The following CLSTN3 variants were observed in gnomAD, a reference collection of about 807,000 sequenced individuals.
The protein encoded by CLSTN3 is calsyntenin-3.
In CLSTN3, 36 loss-of-function variants were observed where a neutral mutation model predicts 95.9. The ratio of observed to expected loss-of-function variants is 0.38; its 90% CI spans 0.29 to 0.50. The LOEUF (loss-of-function observed/expected upper bound fraction) is 0.50, where lower values mean the gene tolerates loss of function less well. Ranked by LOEUF, CLSTN3 falls within the 20% of genes least tolerant of loss-of-function variation. The pLI is 0.95. For synonymous variants in CLSTN3, 481 were observed against 504.0 expected (o/e 0.95, Z 0.61); for missense variants, 1,084 against 1,268.8 (o/e 0.85, Z 2.21).
In CLSTN3 at chr12:7,157,710, C is replaced by G; in HGVS notation, c.2730+19C>G. The G allele has an allele frequency of 3.9e-6, 6 of 1,556,748 alleles. No individual in the cohort carries two copies. The highest frequency in any genetic ancestry group is 5.2e-6 in the Non-Finnish European group (6 of 1,149,520). On this transcript the variant is annotated intron_variant, in intron 17 of 17. Coordinates refer to ENST00000266546, the MANE Select transcript of CLSTN3 (RefSeq NM_014718.4). This position sits in a 1 kb window ranked among gnomAD's most constrained non-coding sequence, Gnocchi z 5.9. ...CATGGAGGTGAGAGGCCTGGGGAAG[C>G]GGGGTTCTGTAGGGTCAAGACTGTG...
chr12:7,136,511 T>C (rs1450880351), intron 6 of CLSTN3, 120 bp downstream of exon 6: 3 of 1,041,506 alleles, frequency 2.9e-6, no homozygotes, highest in Non-Finnish European at 2.7e-6. Context: ...TCCATAGAGG[T>C]TGTGACACGA....
chr12:7,135,929 C>T lies in CLSTN3; in HGVS notation c.718C>T (p.Pro240Ser), dbSNP rs1939404797. Residue 240 changes from proline (P) to serine (S), a missense_variant, in exon 5 of 18, where the codon CCC (proline) becomes TCC (serine). Coordinates refer to ENST00000266546, the MANE Select transcript of CLSTN3 (RefSeq NM_014718.4). ...DDAEVEIQVKPTCKPSWQGWN... is the reference protein window; with the variant it reads ...DDAEVEIQVKSTCKPSWQGWN... The stretch of plus-strand genomic sequence containing the variant: ...TGCTGAGGTGGAGATTCAGGTGAAG[C>T]CCACCTGTAAACCCAGCTGGCAAGG... 6 of 1,612,230 alleles carry T rather than the reference C, an allele frequency of 3.7e-6. No homozygotes were observed. Among genetic ancestry groups the T allele is most frequent in the Middle Eastern group, 1.7e-4 (1 of 5,962 alleles).
Position 7,133,889 on chromosome 12 carries a change from A to T in CLSTN3, c.383+121A>T. 1 of 803,250 alleles carries T rather than the reference A, an allele frequency of 1.2e-6. No individual in the cohort carries two copies. The highest frequency in any genetic ancestry group is 1.9e-6 in the Non-Finnish European group (1 of 519,380). The allele number at this position is 803,250 out of a possible 1,614,324, so 49.8% of individuals were successfully genotyped here. A position where few individuals can be genotyped will look rare whatever the true frequency, so the allele number is the denominator to read the frequency against. On this transcript the variant is annotated intron_variant, in intron 3 of 17. Transcript: ENST00000266546. The surrounding 1 kb of genome is among the most constrained non-coding windows in gnomAD (Gnocchi z 4.7). ...ACCCCCACCCGCTGCTGTTCCTAGG[A>T]CTTAGGGAGCCCCATCCCCTGCTGT...
chr12:7,130,331 C>G, upstream of CLSTN3: 2 of 1,114,074 alleles, frequency 1.8e-6, no homozygotes, highest in African/African-American at 1.6e-5. Context: ...ACCTGATTGG[C>G]CGGCGGCCCC....
chr12:7,134,964 C>T (rs1039954798), intron 3 of CLSTN3, among the ~76,000 whole-genome samples: 4 of 152,112 alleles, frequency 2.6e-5, no homozygotes, highest in African/African-American at 4.8e-5. Flanking sequence ...TGGGGAGGAG[C>T]GTGCTGACTG....
intron 16 of CLSTN3, among the ~76,000 whole-genome samples, chr12:7,153,110 T>C (rs932643824): frequency 1.3e-5 from 2 of 152,124 alleles, no homozygotes; most frequent in Non-Finnish European, 2.9e-5. Context: ...ATTTTATTTT[T>C]CTGGGACTGG....
At position 7,133,455 on chromosome 12, in the gene CLSTN3, C is replaced by T; in HGVS notation, c.188-118C>T. On this transcript the variant is annotated intron_variant, in intron 2 of 17. Transcript: ENST00000266546. The surrounding 1 kb of genome is among the most constrained non-coding windows in gnomAD (Gnocchi z 4.7). ...GTGTTTGATCATTAATGCTTTTGTG[C>T]CTACAGGAGAAGGGACAGGGCTTTG... 2.0e-6 allele frequency: 2 copies of T among 1,000,968 alleles called. 1 individual carries two copies. Among genetic ancestry groups the T allele is most frequent in the Non-Finnish European group, 3.0e-6 (2 of 668,378 alleles). 62.0% of individuals were successfully genotyped at this position (1,000,968 alleles called of 1,614,324 possible).
In CLSTN3 at chr12:7,137,274, A is replaced by G. The variant is rs1939445524; in HGVS notation, c.1210+164A>G. 1.5e-6 allele frequency: 1 copy of G among 664,278 alleles called. No homozygotes were observed. Among genetic ancestry groups the G allele is most frequent in the East Asian group, 2.8e-5 (1 of 36,092 alleles). The allele number at this position is 664,278 out of a possible 1,614,324, so 41.1% of individuals were successfully genotyped here. ...CTTGATTCTGTGCTTTATCCCCAAC[A>G]TGACATGTTGGATCGTACTGCTGTC... On this transcript the variant is annotated intron_variant, in intron 7 of 17. Coordinates refer to ENST00000266546, the MANE Select transcript of CLSTN3 (RefSeq NM_014718.4). The surrounding 1 kb of genome is among the most constrained non-coding windows in gnomAD (Gnocchi z 4.4).
intron 6 of CLSTN3, 142 bp from the exon 7 acceptor site, chr12:7,136,687 C>G: frequency 1.1e-6 from 1 of 913,244 alleles, no homozygotes; most frequent in Non-Finnish European, 1.7e-6. Context: ...TCATCCCTCT[C>G]TTGTCTTTGA....
Position 7,135,385 on chromosome 12 carries a change from C to T in CLSTN3, c.442C>T (p.Arg148Trp), listed in dbSNP as rs759093363. 39 of 1,614,018 alleles carry T rather than the reference C, an allele frequency of 2.4e-5. No homozygotes were observed. The highest frequency in any genetic ancestry group is 1.6e-4 in the Middle Eastern group (1 of 6,084). The part of the protein sequence containing the change: ...VNEFAPVFVE[R>W]LYRAAVTEGK... The stretch of plus-strand genomic sequence containing the variant: ...CGAGTTTGCCCCAGTGTTTGTGGAA[C>T]GGCTGTATCGTGCGGCTGTGACAGA... Residue 148 changes from arginine to tryptophan, a missense_variant, in exon 4 of 18, where the codon CGG (arginine) becomes TGG (tryptophan). Coordinates refer to ENST00000266546, the MANE Select transcript of CLSTN3 (RefSeq NM_014718.4).
At position 7,133,089 on chromosome 12, in the gene CLSTN3, G is replaced by C. The variant is rs1939337151; in HGVS notation, c.130G>C (p.Val44Leu). Residue 44 changes from valine (V) to leucine (L), a missense_variant, in exon 2 of 18, where the codon GTC (valine) becomes CTC (leucine). Transcript: ENST00000266546. The surrounding 1 kb of genome is among the most constrained non-coding windows in gnomAD (Gnocchi z 4.7). ...QGIVMENDNT[V>L]LLNPPLFALD... is the part of the protein sequence containing the mutation. Reference sequence around the variant, plus strand: ...CATCGTCATGGAGAATGACAACACGGTCCTACTGAATCCACCACTCTTTGC... The same window carrying C: ...CATCGTCATGGAGAATGACAACACGCTCCTACTGAATCCACCACTCTTTGC... The C allele has an allele frequency of 1.9e-6, 3 of 1,613,968 alleles. No individual in the cohort carries two copies. The highest frequency in any genetic ancestry group is 2.5e-6 in the Non-Finnish European group (3 of 1,180,022).
chr12:7,139,656 ATTTT>A (rs34540926), intron 8 of CLSTN3, among the ~76,000 whole-genome samples: 4 of 143,182 alleles, frequency 2.8e-5, no homozygotes, highest in African/African-American at 1.1e-4. Context: ...TATTATTATT[ATTTT>A]TTTTTTTGAG....
intron 12 of CLSTN3, among the ~76,000 whole-genome samples, chr12:7,144,113 G>C (rs1477419739): frequency 1.3e-5 from 2 of 151,736 alleles, no homozygotes; most frequent in Non-Finnish European, 2.9e-5. Flanking sequence ...TGTAATCCCA[G>C]TTACTTGGGA....
At chr12:7,138,405 G>A (rs1209149340) in intron 8 of CLSTN3, among the ~76,000 whole-genome samples, 1 of 152,150 alleles carries the variant, frequency 6.6e-6, no homozygotes, top group Admixed American at 6.5e-5. Flanking sequence ...CAGTTAGCCT[G>A]TTGTAATCAA....
chr12:7,135,397 G>A lies in CLSTN3; in HGVS notation c.454G>A (p.Ala152Thr). ...APVFVERLYR[A>T]AVTEGKLYDR... ...AGTGTTTGTGGAACGGCTGTATCGT[G>A]CGGCTGTGACAGAGGGGAAGCTGTA... Residue 152 changes from alanine to threonine, a missense_variant, in exon 4 of 18, where the codon GCG becomes ACG. Ala to Thr is a moderately conservative substitution (Grantham distance 58). Transcript: ENST00000266546. 6.2e-7 allele frequency: 1 copy of A among 1,614,150 alleles called. No homozygotes were observed. Among genetic ancestry groups the A allele is most frequent in the Non-Finnish European group, 8.5e-7 (1 of 1,180,020 alleles).
chr12:7,157,499 C>G lies in CLSTN3; in HGVS notation c.2538C>G (p.Ser846Arg). 6.3e-7 allele frequency: 1 copy of G among 1,580,000 alleles called. No homozygotes were observed. Among genetic ancestry groups the G allele is most frequent in the South Asian group, 1.2e-5 (1 of 86,224 alleles). The change falls in exon 17 of 18, where the codon AGC becomes AGG. Residue 846 changes from serine (S) to arginine (R), a missense_variant. Physicochemically the swap from Ser to Arg is moderately radical, Grantham distance 110. Transcript: ENST00000266546. This position sits in a 1 kb window ranked among gnomAD's most constrained non-coding sequence, Gnocchi z 5.9. ...GCGCTCTCTCTGCAGTGATACCCAG[C>G]GCCGCAACCCTCATCATTGTGGTGT... ...ASSHRNSMIP[S>R]AATLIIVVCV...
Position 7,133,843 on chromosome 12 carries a change from C to A in CLSTN3, c.383+75C>A. On this transcript the variant is annotated intron_variant, in intron 3 of 17. Transcript: ENST00000266546. This position sits in a 1 kb window ranked among gnomAD's most constrained non-coding sequence, Gnocchi z 4.7. Reference sequence around the variant, plus strand: ...TGCTCCCAAGCCCACCATCCTCTGTCCGTGCGGTCATCGAATATCCACCCC... The same window carrying A: ...TGCTCCCAAGCCCACCATCCTCTGTACGTGCGGTCATCGAATATCCACCCC... 1 of 1,268,200 alleles carries A rather than the reference C, an allele frequency of 7.9e-7. No individual in the cohort carries two copies. Among genetic ancestry groups the A allele is most frequent in the Non-Finnish European group, 1.1e-6 (1 of 915,846 alleles). 78.6% of individuals were successfully genotyped at this position (1,268,200 alleles called of 1,614,324 possible).
chr12:7,147,654 A>G (rs1939643829), intron 12 of CLSTN3, among the ~76,000 whole-genome samples: 1 of 151,224 alleles, frequency 6.6e-6, no homozygotes, highest in Non-Finnish European at 1.5e-5. Flanking sequence ...AGCTGGGACT[A>G]CAAGCATCTA....
intron 1 of CLSTN3, chr12:7,131,014 CTGG>C: frequency 2.0e-6 from 1 of 504,552 alleles, no homozygotes; most frequent in South Asian, 2.1e-5. Flanking sequence ...TTTCTACACG[CTGG>C]TGGCTACCTC....
Sources: allele counts gnomAD v4.1 joint callset (sites outside exome capture counted in the v4.1 genomes callset), GRCh38; gene constraint gnomAD v4.1.1; non-coding constraint Gnocchi (gnomAD v3.1); transcripts MANE v1.5; gene names NCBI Gene and HGNC (gene_info 2026-07-23, HGNC 2026-07-21).